Variants in PARP8 observed in about 807,000 individuals in gnomAD.
The protein encoded by PARP8 is protein mono-ADP-ribosyltransferase PARP8.
Under a neutral mutation model 124.1 loss-of-function variants are expected in PARP8, and 51 were observed. The observed-to-expected ratio is 0.41, with a 90% CI of 0.33 to 0.52. The LOEUF (loss-of-function observed/expected upper bound fraction) is 0.52, where lower values mean the gene tolerates loss of function less well. Ranked by LOEUF, PARP8 falls within the 20% of genes least tolerant of loss-of-function variation. The pLI is 0.21. For synonymous variants in PARP8, 391 were observed against 361.5 expected, an observed-to-expected ratio of 1.08 and a Z score of -0.93; for missense variants, 860 against 1,018.9, an observed-to-expected ratio of 0.84 and a Z score of 2.12.
intron 14 of PARP8, among the ~76,000 whole-genome samples, chr5:50,804,756 A>G (rs1270717365): frequency 6.6e-6 from 1 of 152,136 alleles, no homozygotes; most frequent in Non-Finnish European, 1.5e-5. Context: ...ATTTTTCAGA[A>G]ATAGAGGATT....
At chr5:50,840,980 A>T (rs1309157271) in intron 25 of PARP8, among the ~76,000 whole-genome samples, 2 of 151,924 alleles carry the variant, frequency 1.3e-5, no homozygotes, top group African/African-American at 4.8e-5. Flanking sequence ...GTACAAATGC[A>T]GTTATCACTT....
In PARP8 at chr5:50,845,396, A is replaced by G. The variant is rs1198829559; in HGVS notation, c.*3328A>G. On this transcript the variant is annotated 3_prime_UTR_variant, in exon 26 of 26. Coordinates refer to ENST00000281631, the MANE Select transcript of PARP8 (RefSeq NM_024615.4). ...ATTGGGTCATCTACCGTCTAAATAAATACGGATTTCATGGTGGCATTTGAA... is the reference window on the plus strand; with the variant it reads ...ATTGGGTCATCTACCGTCTAAATAAGTACGGATTTCATGGTGGCATTTGAA... 1.3e-5 allele frequency: 2 copies of G among 151,746 alleles called. No individual in the cohort carries two copies. The highest frequency in any genetic ancestry group is 6.6e-5 in the Admixed American group (1 of 15,184). 9.4% of individuals were successfully genotyped at this position (151,746 alleles called of 1,614,324 possible). A position where few individuals can be genotyped will look rare whatever the true frequency, so the allele number is the denominator to read the frequency against.
At chr5:50,667,713 T>C (rs1159990820) in intron 1 of PARP8, 2 of 699,880 alleles carry the variant, frequency 2.9e-6, no homozygotes, top group Non-Finnish European at 2.6e-6. Flanking sequence ...ATTCCTCGGA[T>C]TCCCAAGGCA....
chr5:50,818,644 GC>G (rs1309607121), intron 15 of PARP8, among the ~76,000 whole-genome samples: 1 of 144,068 alleles, frequency 6.9e-6, no homozygotes, highest in Non-Finnish European at 1.5e-5. Flanking sequence ...CTCCCAAAAT[GC>G]TGGGATTACA....
intron 2 of PARP8, among the ~76,000 whole-genome samples, chr5:50,700,276 G>A (rs1369236379): frequency 6.6e-6 from 1 of 152,082 alleles, no homozygotes; most frequent in African/African-American, 2.4e-5. Flanking sequence ...CCTTTAAATG[G>A]TTTTCCTCTT....
At chr5:50,717,928 G>A (rs1020551111) in intron 2 of PARP8, among the ~76,000 whole-genome samples, 1 of 151,770 alleles carries the variant, frequency 6.6e-6, no homozygotes, top group African/African-American at 2.4e-5. Context: ...CAGAAGCCCA[G>A]TTTGATTGGT....
chr5:50,734,292 C>G (rs1561303757), intron 2 of PARP8, among the ~76,000 whole-genome samples: 1 of 152,034 alleles, frequency 6.6e-6, no homozygotes, highest in African/African-American at 2.4e-5. Context: ...GAAATTTTAT[C>G]TTTTCCTTCT....
At chr5:50,830,761 T>C (rs1384235706) in intron 22 of PARP8, among the ~76,000 whole-genome samples, 1 of 152,174 alleles carries the variant, frequency 6.6e-6, no homozygotes, top group Non-Finnish European at 1.5e-5. Context: ...TTCACACTTT[T>C]AAGTGGTTTT....
intron 9 of PARP8, among the ~76,000 whole-genome samples, chr5:50,783,665 A>G (rs1306994810): frequency 1.3e-5 from 2 of 152,158 alleles, no homozygotes; most frequent in African/African-American, 2.4e-5. Context: ...ATGCCCTTAA[A>G]TAACTTATTT....
chr5:50,707,678 A>G (rs1754303231), intron 2 of PARP8, among the ~76,000 whole-genome samples: 2 of 151,174 alleles, frequency 1.3e-5, no homozygotes, highest in Non-Finnish European at 1.5e-5. Context: ...TGCCAGTATT[A>G]TCCTGCTTTT....
At chr5:50,754,310 CT>C (rs1759661408) in intron 3 of PARP8, among the ~76,000 whole-genome samples, 1 of 151,386 alleles carries the variant, frequency 6.6e-6, no homozygotes, top group East Asian at 1.9e-4. Context: ...TTAGGTATAT[CT>C]CCTAATGCTA....
At chr5:50,692,586 G>T (rs1752612310) in intron 2 of PARP8, among the ~76,000 whole-genome samples, 1 of 151,858 alleles carries the variant, frequency 6.6e-6, no homozygotes, top group South Asian at 2.1e-4. Flanking sequence ...CAAGGCTTTT[G>T]AATGAAGGAA....
chr5:50,750,424 G>A (rs1413778713), intron 3 of PARP8, among the ~76,000 whole-genome samples: 1 of 152,004 alleles, frequency 6.6e-6, no homozygotes, highest in African/African-American at 2.4e-5. Context: ...CCCTATGATA[G>A]TTCCAGCCTG....
chr5:50,760,208 G>A, intron 4 of PARP8, 84 bp from the exon 5 acceptor site: 1 of 1,157,380 alleles, frequency 8.6e-7, no homozygotes, highest in African/African-American at 1.6e-5. Flanking sequence ...CACCTAAAGG[G>A]TAGTTTTATA....
chr5:50,791,216 C>CAGCA (rs1206342668), intron 10 of PARP8, among the ~76,000 whole-genome samples: 1 of 152,142 alleles, frequency 6.6e-6, no homozygotes, highest in Admixed American at 6.5e-5. Flanking sequence ...ACAATAGCAA[C>CAGCA]AGCAAATGCT....
In PARP8 at chr5:50,702,413, C is replaced by A. The variant is rs373998876; in HGVS notation, c.146+34288C>A. On this transcript the variant is annotated intron_variant, in intron 2 of 25. Transcript: ENST00000281631. ...ACCTCTAGAAACTATCACCTTTAATCTCACACCTGCCTGGAGAGTTGAAAG... is the reference window on the plus strand; with the variant it reads ...ACCTCTAGAAACTATCACCTTTAATATCACACCTGCCTGGAGAGTTGAAAG... Among the ~76,000 whole-genome samples, 91 of 152,226 alleles carry A rather than the reference C, an allele frequency of 6.0e-4. 1 individual carries two copies. The Middle Eastern group carries it at 0.014, about 23-fold the overall frequency.
At chr5:50,838,076 C>A (rs1477806597) in intron 25 of PARP8, among the ~76,000 whole-genome samples, 1 of 152,094 alleles carries the variant, frequency 6.6e-6, no homozygotes, top group African/African-American at 2.4e-5. Flanking sequence ...ATAAAATGCT[C>A]ACGTTATAAC....
At position 50,669,532 on chromosome 5, in the gene PARP8, A is replaced by G. The variant is rs185969828; in HGVS notation, c.146+1407A>G. Reference sequence around the variant, plus strand: ...CTAGCTTTCTGATTTTTAATAAGATACCTCAGTTCTTTTGGCCTCAGTTTA... The same window carrying G: ...CTAGCTTTCTGATTTTTAATAAGATGCCTCAGTTCTTTTGGCCTCAGTTTA... On this transcript the variant is annotated intron_variant, in intron 2 of 25. Coordinates refer to ENST00000281631, the MANE Select transcript of PARP8 (RefSeq NM_024615.4). 2.0e-5 allele frequency: 3 copies of G among 152,320 alleles called. No individual in the cohort carries two copies. In the East Asian group the frequency reaches 5.8e-4, roughly 29 times the overall value. 9.4% of individuals were successfully genotyped at this position (152,320 alleles called of 1,614,324 possible).
At chr5:50,690,470 A>G (rs1752374722) in intron 2 of PARP8, among the ~76,000 whole-genome samples, 2 of 152,230 alleles carry the variant, frequency 1.3e-5, no homozygotes, top group East Asian at 3.9e-4. Context: ...GCTGGTCTTT[A>G]CCAAACTCTT....
Sources: allele counts gnomAD v4.1 joint callset (sites outside exome capture counted in the v4.1 genomes callset), GRCh38; gene constraint gnomAD v4.1.1; transcripts MANE v1.5; gene names NCBI Gene and HGNC (gene_info 2026-07-23, HGNC 2026-07-21).